REEP4: variants seen among roughly 807,000 people sequenced by gnomAD.
The protein encoded by REEP4 is receptor accessory protein 4, also known as receptor expression-enhancing protein 4.
A neutral mutation model predicts 33.5 loss-of-function variants in REEP4; 17 were observed. The ratio of observed to expected loss-of-function variants is 0.51; its 90% CI spans 0.35 to 0.76. REEP4 has a LOEUF of 0.76. Ranked by LOEUF, REEP4 falls within the 30% of genes least tolerant of loss-of-function variation. The pLI, the probability that REEP4 is intolerant of heterozygous loss-of-function variation, is 0.01. For synonymous variants in REEP4, 157 were observed against 142.9 expected (o/e 1.10, Z -0.70); for missense variants, 340 against 357.9 (o/e 0.95, Z 0.40).
At position 22,138,699 on chromosome 8, in the gene REEP4, C is replaced by T. The variant is rs745444455; in HGVS notation, c.648G>A (p.Glu216=). 89 of 1,613,270 alleles carry T rather than the reference C, an allele frequency of 5.5e-5. No individual in the cohort carries two copies. The African/African-American group carries it at 1.1e-3, about 20-fold the overall frequency. ...GGCTCTGGCTGCGGATTAGGGGCTT[C>T]TCTCGGGGCCGGGCTGGCGCCCGGG... ...AVPRAPARPR[E]KPLIRSQSLR... Residue 216 remains glutamate (E), a synonymous_variant, in exon 7 of 8, where the codon GAG becomes GAA. Transcript: ENST00000306306.
chr8:22,139,857 G>A (rs1827198068), intron 4 of REEP4, 106 bp downstream of exon 4: 3 of 1,395,124 alleles, frequency 2.2e-6, no homozygotes, highest in Non-Finnish European at 2.9e-6. Flanking sequence ...AATAGCAGCA[G>A]GACTGGGATA....
rs753585435 is a variant in REEP4 at position 22,139,518 on chromosome 8, C to T, written c.315G>A (p.Ala105=). The T allele has an allele frequency of 1.9e-5, 30 of 1,608,990 alleles. No homozygotes were observed. In the East Asian group the frequency reaches 3.1e-4, roughly 17 times the overall value. ...TGCGCTCCTTGGCCTGCACGATGTA[C>T]GCGTCGATCTCCTGTGGACCCAATG... is the stretch of plus-strand genomic sequence containing the variant. ...SLSRHEKEID[A]YIVQAKERSY... The change falls in exon 5 of 8, where the codon GCG becomes GCA. Residue 105 remains alanine, a synonymous_variant. Transcript: ENST00000306306.
In REEP4 at chr8:22,138,309, G is replaced by A. The variant is rs1159212291; in HGVS notation, c.*178C>T. 2 of 543,496 alleles carry A rather than the reference G, an allele frequency of 3.7e-6. No homozygotes were observed. The highest frequency in any genetic ancestry group is 6.9e-6 in the Non-Finnish European group (2 of 287,824). 33.7% of individuals were successfully genotyped at this position (543,496 alleles called of 1,614,324 possible). ...CAGCCTGCTTTGGTACATTGTGGGT[G>A]CATCCCTGCATGTGGCCTTGGCAGC... is the stretch of plus-strand genomic sequence containing the variant. On this transcript the variant is annotated 3_prime_UTR_variant, in exon 8 of 8. Transcript: ENST00000306306.
chr8:22,141,419 G>C, intron 1 of REEP4, 32 bp downstream of exon 1: 4 of 1,596,558 alleles, frequency 2.5e-6, no homozygotes, highest in Non-Finnish European at 3.4e-6. Flanking sequence ...GGCACCCCGG[G>C]GTAGAGGAGG....
Position 22,138,460 on chromosome 8 carries a change from G to A in REEP4, c.*27C>T, listed in dbSNP as rs747944693. 2 of 1,612,026 alleles carry A rather than the reference G, an allele frequency of 1.2e-6. No homozygotes were observed. The highest frequency in any genetic ancestry group is 1.7e-6 in the Non-Finnish European group (2 of 1,179,762). On this transcript the variant is annotated 3_prime_UTR_variant, in exon 8 of 8. Transcript: ENST00000306306. ...GCCCTGGAGCCCTGCAGGGCACGAG[G>A]TAAGAAGGGGGCAGATGCAGCAGAC... is the stretch of plus-strand genomic sequence containing the variant.
rs1827170430 is a variant in REEP4 at position 22,138,693 on chromosome 8, G to A, written c.654C>T (p.Pro218=). 2 of 1,613,628 alleles carry A rather than the reference G, an allele frequency of 1.2e-6. No homozygotes were observed. Among genetic ancestry groups the A allele is most frequent in the Non-Finnish European group, 1.7e-6 (2 of 1,179,964 alleles). The change falls in exon 7 of 8, where the codon CCC becomes CCT. Residue 218 remains proline (P), a synonymous_variant. Coordinates refer to ENST00000306306, the MANE Select transcript of REEP4 (RefSeq NM_025232.4). ...CACGCAGGCTCTGGCTGCGGATTAG[G>A]GGCTTCTCTCGGGGCCGGGCTGGCG... The part of the protein sequence containing the change: ...PRAPARPREK[P]LIRSQSLRVV...
At position 22,138,779 on chromosome 8, in the gene REEP4, CCCCGGCCCGGTA is replaced by C; in HGVS notation, c.556_567del (p.Tyr186_Gly189del). The C allele has an allele frequency of 6.2e-7, 1 of 1,605,072 alleles. No individual in the cohort carries two copies. The highest frequency in any genetic ancestry group is 8.5e-7 in the Non-Finnish European group (1 of 1,177,094). ...TCCTCGGTGTCGCTGTCCTGCAGGC[CCCCGGCCCGGTA>C]CCCTGTGTGGAGGAGGAGGTGAAGC... is the stretch of plus-strand genomic sequence containing the variant. On this transcript the variant is annotated inframe_deletion and splice_region_variant, in exon 7 of 8. Transcript: ENST00000306306.
Position 22,138,415 on chromosome 8 carries a change from G to T in REEP4, c.*72C>A. 6.4e-7 allele frequency: 1 copy of T among 1,565,590 alleles called. No individual in the cohort carries two copies. The highest frequency in any genetic ancestry group is 8.7e-7 in the Non-Finnish European group (1 of 1,144,616). On this transcript the variant is annotated 3_prime_UTR_variant, in exon 8 of 8. Coordinates refer to ENST00000306306, the MANE Select transcript of REEP4 (RefSeq NM_025232.4). The stretch of plus-strand genomic sequence containing the variant: ...CTGGTGCAGGCAGGCCAGATGTGCA[G>T]CCCAAGGTCCCTCCAAATAGCCCTG...
In REEP4 at chr8:22,140,065, C is replaced by T. The variant is rs1827202311; in HGVS notation, c.201G>A (p.Glu67=). 6.2e-7 allele frequency: 1 copy of T among 1,613,656 alleles called. No individual in the cohort carries two copies. Among genetic ancestry groups the T allele is most frequent in the Admixed American group, 1.7e-5 (1 of 59,950 alleles). The change falls in exon 4 of 8, where the codon GAG becomes GAA. Residue 67 remains glutamate, a synonymous_variant. Coordinates refer to ENST00000306306, the MANE Select transcript of REEP4 (RefSeq NM_025232.4). Reference sequence around the variant, plus strand: ...GCCACAGCACGAAGGCCATCTTGATCTCATAGTAGAAAGGGAACCTGTCAC... The same window carrying T: ...GCCACAGCACGAAGGCCATCTTGATTTCATAGTAGAAAGGGAACCTGTCAC... ...IFISWFPFYY[E]IKMAFVLWLL...
chr8:22,141,163 G>C (rs1014262500), intron 1 of REEP4, among the ~76,000 whole-genome samples: 1 of 152,276 alleles, frequency 6.6e-6, no homozygotes, highest in Non-Finnish European at 1.5e-5. Context: ...ATCACCTTGT[G>C]TTTGCCAAGG....
At position 22,138,339 on chromosome 8, in the gene REEP4, G is replaced by A. The variant is rs766783492; in HGVS notation, c.*148C>T. On this transcript the variant is annotated 3_prime_UTR_variant, in exon 8 of 8. Transcript: ENST00000306306. ...CCTGCATGTGGCCTTGGCAGCATCTGCTCCCGGCCCTTAACCATCAGCAGG... is the reference window on the plus strand; with the variant it reads ...CCTGCATGTGGCCTTGGCAGCATCTACTCCCGGCCCTTAACCATCAGCAGG... 7 of 919,916 alleles carry A rather than the reference G, an allele frequency of 7.6e-6. No individual in the cohort carries two copies. The highest frequency in any genetic ancestry group is 1.2e-5 in the Non-Finnish European group (7 of 580,434). 57.0% of individuals were successfully genotyped at this position (919,916 alleles called of 1,614,324 possible).
rs1417876466 is a variant in REEP4, at chr8:22,138,974, C to T, written c.505G>A (p.Asp169Asn). 6.2e-7 allele frequency: 1 copy of T among 1,609,002 alleles called. No homozygotes were observed. Among genetic ancestry groups the T allele is most frequent in the Non-Finnish European group, 8.5e-7 (1 of 1,177,974 alleles). The part of the protein sequence containing the change: ...ISDAPAPAYH[D>N]PLYLEDQVSH... ...ACCTGGTCCTCCAGGTAGAGGGGGT[C>T]ATGGTAGGCAGGGGCAGGTGCGTCA... The change falls in exon 6 of 8, where the codon GAC becomes AAC. Residue 169 changes from aspartate to asparagine, a missense_variant. By Grantham distance (23) the Asp-to-Asn change is conservative. Transcript: ENST00000306306.
chr8:22,138,503 G>C lies in REEP4; in HGVS notation c.758C>G (p.Ser253Ter). ...KVRTRKKTVP[S>*]DVDS The stretch of plus-strand genomic sequence containing the variant: ...CAGCAGACCCTAGCTGTCCACGTCT[G>C]AGGGCACAGTCTTTTTCCTCGTCCG... The change falls in exon 8 of 8, where the codon TCA becomes TGA. Residue 253 changes from serine to a stop codon, truncating the protein, a stop_gained. Transcript: ENST00000306306. LOFTEE classifies it high-confidence loss of function. The C allele has an allele frequency of 1.2e-6, 2 of 1,613,818 alleles. No homozygotes were observed. The highest frequency in any genetic ancestry group is 2.2e-5 in the South Asian group (2 of 91,090).
rs1827165525 is a variant in REEP4 at position 22,138,490 on chromosome 8, G to C, written c.771C>G (p.Ser257Arg). ...AAGGGGGCAGATGCAGCAGACCCTA[G>C]CTGTCCACGTCTGAGGGCACAGTCT... is the stretch of plus-strand genomic sequence containing the variant. Reference protein sequence around the residue: ...RKKTVPSDVDS With the variant: ...RKKTVPSDVDR The change falls in exon 8 of 8, where the codon AGC becomes AGG. Residue 257 changes from serine to arginine, a missense_variant. By Grantham distance (110) the Ser-to-Arg change is moderately radical (BLOSUM62 -1). Coordinates refer to ENST00000306306, the MANE Select transcript of REEP4 (RefSeq NM_025232.4). 1 of 1,613,150 alleles carries C rather than the reference G, an allele frequency of 6.2e-7. No homozygotes were observed. Among genetic ancestry groups the C allele is most frequent in the South Asian group, 1.1e-5 (1 of 91,092 alleles).
intron 1 of REEP4, 116 bp from the exon 2 acceptor site, chr8:22,140,813 T>G: frequency 2.3e-6 from 2 of 869,606 alleles, no homozygotes; most frequent in Admixed American, 4.4e-5. Flanking sequence ...TTTTTCTCGC[T>G]TGGCTTGTAC....
At chr8:22,139,317 C>T (rs775833600) in intron 5 of REEP4, 99 bp downstream of exon 5, 11 of 1,078,746 alleles carry the variant, frequency 1.0e-5, no homozygotes, top group Admixed American at 3.9e-5. Context: ...CCCTGCTCCC[C>T]GGCTGCCATC....
Position 22,140,037 on chromosome 8 carries a change from G to A in REEP4, c.229C>T (p.Leu77Phe). 6.2e-7 allele frequency: 1 copy of A among 1,611,054 alleles called. No homozygotes were observed. Among genetic ancestry groups the A allele is most frequent in the Non-Finnish European group, 8.5e-7 (1 of 1,178,652 alleles). Reference protein sequence around the residue: ...EIKMAFVLWLLSPYTKGASLL... With the variant: ...EIKMAFVLWLFSPYTKGASLL... Reference sequence around the variant, plus strand: ...CTGGCGCCCTTGGTGTAGGGTGAGAGCAGCCACAGCACGAAGGCCATCTTG... The same window carrying A: ...CTGGCGCCCTTGGTGTAGGGTGAGAACAGCCACAGCACGAAGGCCATCTTG... Residue 77 changes from leucine to phenylalanine, a missense_variant, in exon 4 of 8, where the codon CTC becomes TTC. Leu to Phe is a conservative substitution (Grantham distance 22). Coordinates refer to ENST00000306306, the MANE Select transcript of REEP4 (RefSeq NM_025232.4).
In REEP4 at chr8:22,138,300, AT is replaced by A. The variant is rs746090778; in HGVS notation, c.*186del. On this transcript the variant is annotated 3_prime_UTR_variant, in exon 8 of 8. Coordinates refer to ENST00000306306, the MANE Select transcript of REEP4 (RefSeq NM_025232.4). The stretch of plus-strand genomic sequence containing the variant: ...CCCTGGGCCCAGCCTGCTTTGGTAC[AT>A]TGTGGGTGCATCCCTGCATGTGGCC... 3.7e-6 allele frequency: 2 copies of A among 534,674 alleles called. No individual in the cohort carries two copies. The highest frequency in any genetic ancestry group is 7.1e-6 in the Non-Finnish European group (2 of 280,100). The allele number at this position is 534,674 out of a possible 1,614,324, so 33.1% of individuals were successfully genotyped here.
chr8:22,138,684 G>A lies in REEP4; in HGVS notation c.663C>T (p.Arg221=). 6.2e-7 allele frequency: 1 copy of A among 1,613,788 alleles called. No homozygotes were observed. Among genetic ancestry groups the A allele is most frequent in the Non-Finnish European group, 8.5e-7 (1 of 1,179,992 alleles). Residue 221 remains arginine, a synonymous_variant, in exon 7 of 8, where the codon CGC becomes CGT. Transcript: ENST00000306306. ...PARPREKPLI[R]SQSLRVVKRK... is the part of the protein sequence containing the mutation. ...TCTTGACCACACGCAGGCTCTGGCT[G>A]CGGATTAGGGGCTTCTCTCGGGGCC...
Sources: allele counts gnomAD v4.1 joint callset (sites outside exome capture counted in the v4.1 genomes callset), GRCh38; gene constraint gnomAD v4.1.1; transcripts MANE v1.5; gene names NCBI Gene and HGNC (gene_info 2026-07-23, HGNC 2026-07-21).